Variants in ZNRF1 observed in about 807,000 individuals in gnomAD.
ZNRF1 encodes E3 ubiquitin-protein ligase ZNRF1.
Under a neutral mutation model 18.4 loss-of-function variants are expected in ZNRF1, and 3 were observed. That is an observed-to-expected ratio of 0.16 (90% CI 0.07 to 0.42). The LOEUF (loss-of-function observed/expected upper bound fraction) is 0.42. ZNRF1 is among the 10% of genes least tolerant of loss of function. ZNRF1 has a pLI of 0.99. For missense variants in ZNRF1, 310 were observed against 329.8 expected, an observed-to-expected ratio of 0.94 and a Z score of 0.47; for synonymous variants, 157 against 144.2, an observed-to-expected ratio of 1.09 and a Z score of -0.64.
intron 1 of ZNRF1, among the ~76,000 whole-genome samples, chr16:75,014,798 T>C (rs1268625374): frequency 3.9e-5 from 6 of 152,148 alleles, no homozygotes; most frequent in Non-Finnish European, 7.4e-5. Context: ...CTTGCCAAAA[T>C]TTGATATTGT....
chr16:75,109,229 C>CA lies in ZNRF1; in HGVS notation c.*1533dup, dbSNP rs796084213. 6 of 152,866 alleles carry CA rather than the reference C, an allele frequency of 3.9e-5. No homozygotes were observed. Among genetic ancestry groups the CA allele is most frequent in the African/African-American group, 1.4e-4 (6 of 41,592 alleles). 9.5% of individuals were successfully genotyped at this position (152,866 alleles called of 1,614,324 possible). A position where few individuals can be genotyped will look rare whatever the true frequency, so the allele number is the denominator to read the frequency against. Reference sequence around the variant, plus strand: ...AACTGCTCAGGCTCACAAAAGTTGGCAAAATGCGGGCTGGGCAGGCAGCTC... The same window carrying CA: ...AACTGCTCAGGCTCACAAAAGTTGGCAAAAATGCGGGCTGGGCAGGCAGCTC... On this transcript the variant is annotated 3_prime_UTR_variant, in exon 5 of 5. Coordinates refer to ENST00000335325, the MANE Select transcript of ZNRF1 (RefSeq NM_032268.5).
intron 1 of ZNRF1, among the ~76,000 whole-genome samples, chr16:75,089,700 T>A (rs902077822): frequency 2.2e-4 from 34 of 152,130 alleles, no homozygotes; most frequent in Admixed American, 2.6e-4. Context: ...CCAGGGCCCA[T>A]TCCCTCATCT....
Position 75,000,102 on chromosome 16 carries a change from C to T in ZNRF1, c.424+7C>T. 6.3e-7 allele frequency: 1 copy of T among 1,596,652 alleles called. No homozygotes were observed. The highest frequency in any genetic ancestry group is 8.5e-7 in the Non-Finnish European group (1 of 1,173,130). ...TGGTTCAGCTCGCATAGTGGTGAGT[C>T]CGCGGGTGGTGGAGGCCTCGGAGGG... On this transcript the variant is annotated splice_region_variant and intron_variant, in intron 1 of 4. Coordinates refer to ENST00000335325, the MANE Select transcript of ZNRF1 (RefSeq NM_032268.5).
chr16:75,095,563 T>C, intron 2 of ZNRF1: 1 of 1,495,684 alleles, frequency 6.7e-7, no homozygotes, highest in East Asian at 2.5e-5. Flanking sequence ...TGTGGGTTGC[T>C]AGGGCGTTCT....
intron 1 of ZNRF1, among the ~76,000 whole-genome samples, chr16:75,047,789 A>G (rs913951598): frequency 6.6e-6 from 1 of 152,114 alleles, no homozygotes; most frequent in Non-Finnish European, 1.5e-5. Flanking sequence ...AGCTTAAACA[A>G]CAGAAATGTA....
At chr16:75,103,763 G>A (rs373188243) in intron 2 of ZNRF1, among the ~76,000 whole-genome samples, 1 of 152,144 alleles carries the variant, frequency 6.6e-6, no homozygotes, top group Admixed American at 6.5e-5. Flanking sequence ...AAGGTGGGTG[G>A]ATCACGAGGT....
At chr16:75,078,816 A>G (rs1165881499) in intron 1 of ZNRF1, among the ~76,000 whole-genome samples, 1 of 152,174 alleles carries the variant, frequency 6.6e-6, no homozygotes, top group African/African-American at 2.4e-5. Flanking sequence ...CTGGCTTAAC[A>G]TTTCTGTCCA....
Position 74,999,549 on chromosome 16 carries a change from C to T in ZNRF1, c.-123C>T, listed in dbSNP as rs2034807721. On this transcript the variant is annotated 5_prime_UTR_variant, in exon 1 of 5. Coordinates refer to ENST00000335325, the MANE Select transcript of ZNRF1 (RefSeq NM_032268.5). ...TTTTCCTTTTGCTTTTTTTCCTTTT[C>T]TCCCTCCGGGTCTCCTTTTTGACTC... 2 of 696,852 alleles carry T rather than the reference C, an allele frequency of 2.9e-6. No individual in the cohort carries two copies. Among genetic ancestry groups the T allele is most frequent in the African/African-American group, 1.8e-5 (1 of 54,102 alleles). 43.2% of individuals were successfully genotyped at this position (696,852 alleles called of 1,614,324 possible). A position where few individuals can be genotyped will look rare whatever the true frequency, so the allele number is the denominator to read the frequency against.
intron 1 of ZNRF1, among the ~76,000 whole-genome samples, chr16:75,071,297 G>A (rs981141078): frequency 1.3e-4 from 19 of 151,948 alleles, no homozygotes; most frequent in South Asian, 8.3e-4. Flanking sequence ...ACAGGGTTTC[G>A]CCATGTTGGC....
chr16:75,071,557 G>A (rs1285911916), intron 1 of ZNRF1, among the ~76,000 whole-genome samples: 1 of 152,138 alleles, frequency 6.6e-6, no homozygotes, highest in East Asian at 1.9e-4. Context: ...GGCAGTGGCT[G>A]CATCTTTTGT....
chr16:75,108,559 A>G lies in ZNRF1; in HGVS notation c.*859A>G, dbSNP rs1198948732. The G allele has an allele frequency of 2.5e-6, 1 of 398,952 alleles. No homozygotes were observed. The highest frequency in any genetic ancestry group is 4.4e-6 in the Non-Finnish European group (1 of 226,070). 24.7% of individuals were successfully genotyped at this position (398,952 alleles called of 1,614,324 possible). A position where few individuals can be genotyped will look rare whatever the true frequency, so the allele number is the denominator to read the frequency against. ...TTAGCCATTGATGTTCACACGTGGC[A>G]TCAGCCCATGCAAGATAGGTTTCTG... On this transcript the variant is annotated 3_prime_UTR_variant, in exon 5 of 5. Transcript: ENST00000335325.
chr16:75,065,344 G>A (rs564717684), intron 1 of ZNRF1, among the ~76,000 whole-genome samples: 1 of 152,102 alleles, frequency 6.6e-6, no homozygotes, highest in South Asian at 2.1e-4. Context: ...GACTACTGCC[G>A]CACGGCAACT....
intron 1 of ZNRF1, among the ~76,000 whole-genome samples, chr16:75,042,443 C>CTTTTTTTTTTTTTT (rs56212046): frequency 8.5e-6 from 1 of 116,964 alleles, no homozygotes; most frequent in Non-Finnish European, 1.8e-5. Flanking sequence ...CTGTTTCTTT[C>CTTTTTTTTTTTTTT]TTTTTTTTTT....
At chr16:75,075,625 A>G (rs953288665) in intron 1 of ZNRF1, among the ~76,000 whole-genome samples, 1 of 152,188 alleles carries the variant, frequency 6.6e-6, no homozygotes, top group Non-Finnish European at 1.5e-5. Flanking sequence ...CATCCAACAG[A>G]TATTTTCAAG....
chr16:75,102,413 A>G (rs763963781), intron 2 of ZNRF1, among the ~76,000 whole-genome samples: 3 of 152,154 alleles, frequency 2.0e-5, no homozygotes, highest in Non-Finnish European at 4.4e-5. Context: ...TCAAAGGAAG[A>G]CACGCACATG....
At chr16:75,094,284 C>T (rs2036174291) in intron 2 of ZNRF1, among the ~76,000 whole-genome samples, 2 of 152,188 alleles carry the variant, frequency 1.3e-5, no homozygotes, top group South Asian at 4.1e-4. Context: ...ATGTTGCCTC[C>T]TACCTTGGAG....
At chr16:75,028,709 T>G (rs2035257667) in intron 1 of ZNRF1, among the ~76,000 whole-genome samples, 1 of 152,248 alleles carries the variant, frequency 6.6e-6, no homozygotes, top group Non-Finnish European at 1.5e-5. Context: ...CCCTCATCAC[T>G]CAATTGAAAC....
chr16:75,089,633 G>A (rs1288854584), intron 1 of ZNRF1, among the ~76,000 whole-genome samples: 5 of 152,172 alleles, frequency 3.3e-5, no homozygotes, highest in Non-Finnish European at 7.3e-5. Context: ...GAACCCTGAG[G>A]CTAGTCTCAG....
At chr16:75,053,077 AG>A (rs1477279633) in intron 1 of ZNRF1, among the ~76,000 whole-genome samples, 1 of 152,208 alleles carries the variant, frequency 6.6e-6, no homozygotes, top group East Asian at 1.9e-4. Context: ...TTCCTGCCCT[AG>A]GTAGGCTGAT....
Sources: allele counts gnomAD v4.1 joint callset (sites outside exome capture counted in the v4.1 genomes callset), GRCh38; gene constraint gnomAD v4.1.1; transcripts MANE v1.5; gene names NCBI Gene and HGNC (gene_info 2026-07-23, HGNC 2026-07-21).